Variants in NOS1AP observed in about 807,000 individuals in gnomAD.
The protein encoded by NOS1AP is carboxyl-terminal PDZ ligand of neuronal nitric oxide synthase protein.
In NOS1AP, 21 loss-of-function variants were observed where a neutral mutation model predicts 56.2. The ratio of observed to expected loss-of-function variants is 0.37; its 90% confidence interval spans 0.26 to 0.54. The LOEUF is 0.54. NOS1AP is among the 20% of genes least tolerant of loss of function. The pLI is 0.84. For missense variants in NOS1AP, 522 were observed against 657.8 expected (o/e 0.79, Z 2.26); for synonymous variants, 270 against 274.6 (o/e 0.98, Z 0.17).
chr1:162,238,597 T>A (rs1653381428), intron 2 of NOS1AP, among the ~76,000 whole-genome samples: 1 of 152,244 alleles, frequency 6.6e-6, no homozygotes, highest in Non-Finnish European at 1.5e-5. Flanking sequence ...ATATTTGTTG[T>A]TGTAATTGAA....
chr1:162,128,619 ATCT>A (rs1225345211), intron 1 of NOS1AP, among the ~76,000 whole-genome samples: 2 of 152,160 alleles, frequency 1.3e-5, no homozygotes, highest in East Asian at 1.9e-4. Flanking sequence ...TGTATTTGTA[ATCT>A]TCTTTATTTA....
chr1:162,300,741 AG>A, intron 4 of NOS1AP, 35 bp downstream of exon 4: 1 of 1,592,526 alleles, frequency 6.3e-7, no homozygotes, highest in Non-Finnish European at 8.6e-7. Context: ...GATATCACTG[AG>A]CCCCAGAGTC....
chr1:162,259,591 A>G (rs764476742), intron 2 of NOS1AP, among the ~76,000 whole-genome samples: 9 of 152,190 alleles, frequency 5.9e-5, no homozygotes, highest in Non-Finnish European at 1.0e-4. Context: ...ACTGCATATG[A>G]GATTATTTTT....
chr1:162,113,956 A>G (rs1300671164), intron 1 of NOS1AP, among the ~76,000 whole-genome samples: 1 of 152,186 alleles, frequency 6.6e-6, no homozygotes, highest in African/African-American at 2.4e-5. Flanking sequence ...AGGCAGTGTT[A>G]TTACAGAAAG....
At chr1:162,260,349 A>G (rs1654166259) in intron 2 of NOS1AP, among the ~76,000 whole-genome samples, 1 of 152,172 alleles carries the variant, frequency 6.6e-6, no homozygotes, top group Non-Finnish European at 1.5e-5. Flanking sequence ...AAACCTATGA[A>G]ACCAAGTCCT....
intron 2 of NOS1AP, among the ~76,000 whole-genome samples, chr1:162,252,994 G>T (rs752921798): frequency 6.6e-6 from 1 of 152,048 alleles, no homozygotes; most frequent in Non-Finnish European, 1.5e-5. Context: ...TGCCTAATTG[G>T]TCTCTGCTAT....
At chr1:162,200,416 C>T (rs1651955835) in intron 2 of NOS1AP, among the ~76,000 whole-genome samples, 1 of 152,204 alleles carries the variant, frequency 6.6e-6, no homozygotes, top group Non-Finnish European at 1.5e-5. Flanking sequence ...CTGTCTGTGA[C>T]TCCTTGGGCT....
chr1:162,287,702 C>T (rs1167005322), intron 3 of NOS1AP, among the ~76,000 whole-genome samples: 2 of 152,090 alleles, frequency 1.3e-5, no homozygotes, highest in Non-Finnish European at 2.9e-5. Context: ...CAACCCCCCT[C>T]CCCATTTTCA....
intron 1 of NOS1AP, among the ~76,000 whole-genome samples, chr1:162,105,545 C>T (rs940914885): frequency 6.6e-6 from 1 of 152,174 alleles, no homozygotes; most frequent in African/African-American, 2.4e-5. Flanking sequence ...GGCCGCCTCT[C>T]CCCCTGGGAG....
chr1:162,351,743 T>C (rs551180908), intron 6 of NOS1AP, among the ~76,000 whole-genome samples: 1 of 152,340 alleles, frequency 6.6e-6, no homozygotes, highest in Admixed American at 6.5e-5. Flanking sequence ...CCCCCCGACC[T>C]ACGACCTTAC....
intron 2 of NOS1AP, among the ~76,000 whole-genome samples, chr1:162,238,886 C>CT (rs1398490662): frequency 6.6e-6 from 1 of 152,202 alleles, no homozygotes; most frequent in Admixed American, 6.5e-5. Context: ...GCAAATGTCT[C>CT]TAAGTTCTTA....
chr1:162,221,511 C>A (rs1486761020), intron 2 of NOS1AP, among the ~76,000 whole-genome samples: 1 of 116,230 alleles, frequency 8.6e-6, no homozygotes, highest in Non-Finnish European at 1.8e-5. Flanking sequence ...TTTAATGCAA[C>A]ACACACACGC....
intron 8 of NOS1AP, 122 bp from the exon 9 acceptor site, chr1:162,365,282 T>G (rs1571249322): frequency 3.2e-6 from 5 of 1,555,718 alleles, no homozygotes; most frequent in Non-Finnish European, 4.3e-6. Flanking sequence ...GTGAAGGGCT[T>G]CTTCTTGAAC....
chr1:162,346,919 G>A (rs1267306730), intron 6 of NOS1AP, among the ~76,000 whole-genome samples: 1 of 152,172 alleles, frequency 6.6e-6, no homozygotes, highest in Non-Finnish European at 1.5e-5. Flanking sequence ...GCCAGTCTCA[G>A]TTTTAGCAGG....
At position 162,356,808 on chromosome 1, in the gene NOS1AP, C is replaced by A. The variant is rs1657718489; in HGVS notation, c.763-152C>A. 8.2e-5 allele frequency: 127 copies of A among 1,547,524 alleles called. No homozygotes were observed. The South Asian group carries it at 1.0e-3, about 12-fold the overall frequency. ...CAGCTACACCATTTCCTTTCTGGGC[C>A]TCTACTCCCATTTCCATTGAAGATA... is the stretch of plus-strand genomic sequence containing the variant. On this transcript the variant is annotated intron_variant, in intron 7 of 9. Transcript: ENST00000361897.
At chr1:162,072,739 C>T (rs976872327) in intron 1 of NOS1AP, among the ~76,000 whole-genome samples, 7 of 152,194 alleles carry the variant, frequency 4.6e-5, no homozygotes, top group Admixed American at 2.6e-4. Flanking sequence ...GGTGGAAGCA[C>T]GAGCTTTTCT....
chr1:162,316,320 C>A (rs534231691), intron 4 of NOS1AP, among the ~76,000 whole-genome samples: 1 of 152,202 alleles, frequency 6.6e-6, no homozygotes, highest in African/African-American at 2.4e-5. Context: ...AACAAGAAGT[C>A]GAATGACTTT....
intron 2 of NOS1AP, among the ~76,000 whole-genome samples, chr1:162,194,627 A>G (rs16858185): frequency 0.027 from 4,066 of 152,270 alleles, 215 homozygotes; most frequent in East Asian, 0.24. Flanking sequence ...ACAGATGATC[A>G]AAAGGAGCAC....
At chr1:162,365,271 C>T (rs575785191) in intron 8 of NOS1AP, 133 bp from the exon 9 acceptor site, 33 of 1,527,130 alleles carry the variant, frequency 2.2e-5, no homozygotes, top group Middle Eastern at 1.7e-4. Context: ...CCATGCTGCC[C>T]GTGAAGGGCT....
Sources: allele counts gnomAD v4.1 joint callset (sites outside exome capture counted in the v4.1 genomes callset), GRCh38; gene constraint gnomAD v4.1.1; transcripts MANE v1.5; gene names NCBI Gene and HGNC (gene_info 2026-07-23, HGNC 2026-07-21).